Variants in ANKS1B observed in about 807,000 individuals in gnomAD.
ANKS1B encodes ankyrin repeat and sterile alpha motif domain containing 1B.
Under a neutral mutation model 148.3 loss-of-function variants are expected in ANKS1B, and 36 were observed. The ratio of observed to expected loss-of-function variants is 0.24; its 90% CI spans 0.19 to 0.32. ANKS1B has a LOEUF of 0.32. Among genes scored for constraint, ANKS1B ranks in the 10% least tolerant of loss-of-function variants. The probability of loss-of-function intolerance (pLI) is 1.00; values close to 1 mark genes in which losing one functional copy is unlikely to be tolerated. For missense variants in ANKS1B, 1,157 were observed against 1,542.6 expected (o/e 0.75, Z 4.19); for synonymous variants, 542 against 560.8 (o/e 0.97, Z 0.47).
In ANKS1B at chr12:98,945,505, C is replaced by CAAA. The variant is rs3051086; in HGVS notation, c.2778+107649_2778+107651dup. Among the ~76,000 whole-genome samples, 290 of 30,196 alleles carry CAAA rather than the reference C, an allele frequency of 9.6e-3. 4 individuals are homozygous for CAAA. Among genetic ancestry groups the CAAA allele is most frequent in the Middle Eastern group, 0.04 (2 of 50 alleles). The allele number at this position is 30,196 out of a possible 152,430, so 19.8% of individuals were successfully genotyped here. A position where few individuals can be genotyped will look rare whatever the true frequency, so the allele number is the denominator to read the frequency against. On this transcript the variant is annotated intron_variant, in intron 17 of 26. Transcript: ENST00000683438. ...GCCAGACCCTGTCTCAACAAACAAA[C>CAAA]AAAAAAAAAAAAAAAAAAAAAAAAA...
intron 9 of ANKS1B, among the ~76,000 whole-genome samples, chr12:99,620,885 T>A (rs1455786279): frequency 2.0e-5 from 3 of 152,136 alleles, no homozygotes; most frequent in Non-Finnish European, 2.9e-5. Context: ...GAGGTAGACA[T>A]CTGGATAGAA....
intron 1 of ANKS1B, among the ~76,000 whole-genome samples, chr12:99,832,771 C>CA (rs199933590): frequency 9.2e-4 from 126 of 136,372 alleles, no homozygotes; most frequent in Middle Eastern, 7.5e-3. Flanking sequence ...AAATGCCCAG[C>CA]AAAAAAAAAA....
chr12:99,309,430 T>C (rs893813221), intron 12 of ANKS1B, among the ~76,000 whole-genome samples: 4 of 152,030 alleles, frequency 2.6e-5, no homozygotes, highest in African/African-American at 9.7e-5. Context: ...ATATTTTCAT[T>C]AATTTTTATT....
intron 12 of ANKS1B, among the ~76,000 whole-genome samples, chr12:99,377,737 G>A (rs2093449462): frequency 6.6e-6 from 1 of 152,170 alleles, no homozygotes; most frequent in Non-Finnish European, 1.5e-5. Context: ...GTTTAAAAAT[G>A]TTTAATCACG....
intron 8 of ANKS1B, among the ~76,000 whole-genome samples, chr12:99,706,863 G>T (rs2055863754): frequency 6.6e-6 from 1 of 152,022 alleles, no homozygotes; most frequent in Non-Finnish European, 1.5e-5. Context: ...GTCCTCCATT[G>T]ACAAACCACA....
Position 99,246,577 on chromosome 12 carries a change from C to T in ANKS1B, c.2044G>A (p.Glu682Lys), listed in dbSNP as rs267603734. The change falls in exon 13 of 27, where the codon GAA becomes AAA. Residue 682 changes from glutamate (E) to lysine (K), a missense_variant. Physicochemically the swap from Glu to Lys is moderately conservative, Grantham distance 56 (BLOSUM62 1). This residue lies in a region of ANKS1B where 661 missense variants were observed against 642.1 expected (regional missense o/e 1.03). Coordinates refer to ENST00000683438, the MANE Select transcript of ANKS1B (RefSeq NM_001352186.2). Reference sequence around the variant, plus strand: ...CTTGTGCCAACAATGGTATGGTTTTCGAGTTGGTTGCTTTTTTTGTGAAAA... The same window carrying T: ...CTTGTGCCAACAATGGTATGGTTTTTGAGTTGGTTGCTTTTTTTGTGAAAA... The part of the protein sequence containing the change: ...TIFHKKSNQL[E>K]NHTIVGTRST... 2.4e-5 allele frequency: 39 copies of T among 1,613,592 alleles called. No homozygotes were observed. The highest frequency in any genetic ancestry group is 1.6e-4 in the Middle Eastern group (1 of 6,084).
At chr12:98,815,776 C>T (rs868799097) in intron 19 of ANKS1B, among the ~76,000 whole-genome samples, 4 of 152,262 alleles carry the variant, frequency 2.6e-5, no homozygotes, top group South Asian at 2.1e-4. Flanking sequence ...TCTAAAATTT[C>T]ACCTTCCTGT....
At chr12:98,838,703 C>T (rs566196392) in intron 17 of ANKS1B, among the ~76,000 whole-genome samples, 2 of 152,126 alleles carry the variant, frequency 1.3e-5, no homozygotes, top group Non-Finnish European at 2.9e-5. Flanking sequence ...AGATACTTGG[C>T]CAACTAAAGA....
chr12:98,950,265 G>C (rs2099852073), intron 17 of ANKS1B, among the ~76,000 whole-genome samples: 1 of 152,186 alleles, frequency 6.6e-6, no homozygotes, highest in African/African-American at 2.4e-5. Flanking sequence ...GGGAGGCCAA[G>C]GTGGGCAGAT....
intron 14 of ANKS1B, among the ~76,000 whole-genome samples, chr12:99,227,248 C>A (rs1168893491): frequency 6.6e-6 from 1 of 152,058 alleles, no homozygotes; most frequent in African/African-American, 2.4e-5. Flanking sequence ...GTACCTCCCC[C>A]CTCTCTCGCT....
At chr12:99,513,524 A>G (rs2096787234) in intron 9 of ANKS1B, among the ~76,000 whole-genome samples, 2 of 152,070 alleles carry the variant, frequency 1.3e-5, no homozygotes, top group Admixed American at 1.3e-4. Context: ...TATTTTTCAA[A>G]AAGAAAAAAT....
chr12:99,098,932 T>C (rs552787009), intron 15 of ANKS1B, among the ~76,000 whole-genome samples: 32 of 152,150 alleles, frequency 2.1e-4, no homozygotes, highest in African/African-American at 6.7e-4. Context: ...TTGTGTGTTA[T>C]AAGTGAAGTC....
chr12:98,895,062 C>A (rs1444772296), intron 17 of ANKS1B: 2 of 952,446 alleles, frequency 2.1e-6, no homozygotes, highest in South Asian at 4.8e-5. Flanking sequence ...CTCCATTGTT[C>A]CGCGGCTGCT....
chr12:99,245,999 T>C (rs1331510361), intron 13 of ANKS1B, among the ~76,000 whole-genome samples: 1 of 152,140 alleles, frequency 6.6e-6, no homozygotes, highest in Non-Finnish European at 1.5e-5. Context: ...GGACGAGATG[T>C]GAATATTCTC....
chr12:99,951,059 C>T (rs1278280236), intron 1 of ANKS1B, among the ~76,000 whole-genome samples: 1 of 152,182 alleles, frequency 6.6e-6, no homozygotes, highest in African/African-American at 2.4e-5. Context: ...ATTTTGAAAG[C>T]ATTGCACCAC....
intron 8 of ANKS1B, among the ~76,000 whole-genome samples, chr12:99,760,078 C>T (rs1272329768): frequency 6.6e-6 from 1 of 151,716 alleles, no homozygotes; most frequent in Admixed American, 6.6e-5. Context: ...GTTTACTGCC[C>T]TTAATAGAAT....
At chr12:99,124,176 A>G (rs2063670356) in intron 15 of ANKS1B, among the ~76,000 whole-genome samples, 1 of 152,146 alleles carries the variant, frequency 6.6e-6, no homozygotes, top group Non-Finnish European at 1.5e-5. Context: ...GGGGCTCAAG[A>G]AGGAAAGGGG....
intron 8 of ANKS1B, among the ~76,000 whole-genome samples, chr12:99,688,687 C>A (rs2098662937): frequency 6.6e-6 from 1 of 151,862 alleles, no homozygotes; most frequent in Admixed American, 6.6e-5. Context: ...AAAACATAGC[C>A]AAGTATAGTG....
At chr12:99,512,687 G>C (rs1387058498) in intron 9 of ANKS1B, among the ~76,000 whole-genome samples, 1 of 152,122 alleles carries the variant, frequency 6.6e-6, no homozygotes, top group Non-Finnish European at 1.5e-5. Flanking sequence ...TAAAGAAAAT[G>C]TGGTACATAT....
Sources: gnomAD v4.1 joint callset for allele counts (sites outside exome capture counted in the v4.1 genomes callset) on GRCh38, gnomAD v4.1.1 for gene constraint, gnomAD v4.1.1 regional missense constraint, MANE v1.5 for transcripts, NCBI Gene and HGNC (gene_info 2026-07-23, HGNC 2026-07-21) for gene names.